The following IRAG1 variants were observed in gnomAD, a reference collection of about 807,000 sequenced individuals.
The protein encoded by IRAG1 is inositol 1,4,5-triphosphate receptor associated 1, also known as IP3R-associated cGMP kinase substrate.
In IRAG1, 62 loss-of-function variants were observed where a neutral mutation model predicts 106.2. That is an observed-to-expected ratio of 0.58 (90% confidence interval 0.48 to 0.72). The LOEUF (loss-of-function observed/expected upper bound fraction) is 0.72. Ranked by LOEUF, IRAG1 falls within the 30% of genes least tolerant of loss-of-function variation. IRAG1 has a pLI of 0.00. For synonymous variants in IRAG1, 462 were observed against 443.9 expected, an observed-to-expected ratio of 1.04 and a Z score of -0.51; for missense variants, 1,064 against 1,140.7, an observed-to-expected ratio of 0.93 and a Z score of 0.97.
rs76539922 is a variant in IRAG1, at chr11:10,574,435, A to G, written c.*1897T>C. 0.046 allele frequency: 6,986 copies of G among 152,182 alleles called. 319 individuals are homozygous for G. Among genetic ancestry groups the G allele is most frequent in the African/African-American group, 0.12 (5,012 of 41,496 alleles). 9.4% of individuals were successfully genotyped at this position (152,182 alleles called of 1,614,324 possible). A position where few individuals can be genotyped will look rare whatever the true frequency, so the allele number is the denominator to read the frequency against. ...AAGACATGGTTCTTGTCTTTGAGGA[A>G]AAATGCTAGGGGAGATGGATACATA... On this transcript the variant is annotated 3_prime_UTR_variant, in exon 21 of 21. Transcript: ENST00000423302.
At chr11:10,610,157 A>C (rs1314278102) in intron 10 of IRAG1, among the ~76,000 whole-genome samples, 9 of 152,230 alleles carry the variant, frequency 5.9e-5, no homozygotes, top group Admixed American at 5.9e-4. Flanking sequence ...CACAGTATTA[A>C]GCTGGCAATT....
At chr11:10,594,074 ATTGT>A (rs1852986570) in intron 16 of IRAG1, 68 bp downstream of exon 16, 1 of 1,381,608 alleles carries the variant, frequency 7.2e-7, no homozygotes, top group East Asian at 2.5e-5. Flanking sequence ...AGAATGAATG[ATTGT>A]TTGGGTGACC....
intron 1 of IRAG1, among the ~76,000 whole-genome samples, chr11:10,678,168 C>A (rs1351577067): frequency 6.6e-6 from 1 of 152,152 alleles, no homozygotes; most frequent in African/African-American, 2.4e-5. Context: ...CACCTGTTTT[C>A]AATTCTTTTG....
intron 1 of IRAG1, among the ~76,000 whole-genome samples, chr11:10,680,181 G>A (rs1861038053): frequency 1.3e-5 from 2 of 151,276 alleles, no homozygotes; most frequent in African/African-American, 2.4e-5. Context: ...GCTGAAGTAG[G>A]AGAATCGCTT....
chr11:10,585,647 A>G (rs1231890904), intron 18 of IRAG1, among the ~76,000 whole-genome samples: 1 of 139,374 alleles, frequency 7.2e-6, no homozygotes, highest in African/African-American at 2.7e-5. Flanking sequence ...AATGTGTATG[A>G]TCTCGGGACC....
At chr11:10,675,967 C>A (rs1478333083) in intron 1 of IRAG1, among the ~76,000 whole-genome samples, 5 of 152,226 alleles carry the variant, frequency 3.3e-5, no homozygotes, top group African/African-American at 9.6e-5. Context: ...CTCTCCCCTG[C>A]CTCATGGAGG....
rs752550305 is a variant in IRAG1, at chr11:10,581,916, G to A, written c.2311C>T (p.Leu771Phe). Residue 771 changes from leucine (L) to phenylalanine (F), a missense_variant, in exon 19 of 21, where the codon CTT becomes TTT. By Grantham distance (22) the Leu-to-Phe change is conservative. Transcript: ENST00000423302. ...ATCCTGGCCTTGGTCTCCTGACTAA[G>A]CTCCTCCAGGCAGCTCAGGGTCAGC... is the stretch of plus-strand genomic sequence containing the variant. ...PALTLSCLEE[L>F]SQETKARMEE... 1 of 1,613,892 alleles carries A rather than the reference G, an allele frequency of 6.2e-7. No homozygotes were observed. The highest frequency in any genetic ancestry group is 1.1e-5 in the South Asian group (1 of 91,076).
At chr11:10,606,672 G>T in intron 12 of IRAG1, 70 bp downstream of exon 12, 1 of 1,466,964 alleles carries the variant, frequency 6.8e-7, no homozygotes, top group Non-Finnish European at 9.3e-7. Flanking sequence ...AGAGTCTGGA[G>T]GAAGAAATGT....
At chr11:10,676,133 G>A (rs949027635) in intron 1 of IRAG1, among the ~76,000 whole-genome samples, 1 of 152,202 alleles carries the variant, frequency 6.6e-6, no homozygotes, top group Admixed American at 6.5e-5. Context: ...TGTGATGCTC[G>A]TACTGCCTCT....
At chr11:10,680,659 G>C (rs1350693776) in intron 1 of IRAG1, among the ~76,000 whole-genome samples, 2 of 152,096 alleles carry the variant, frequency 1.3e-5, no homozygotes, top group African/African-American at 4.8e-5. Flanking sequence ...CATTGGCCCT[G>C]GAGCTGGGCT....
chr11:10,614,864 C>T (rs1200016415), intron 10 of IRAG1, among the ~76,000 whole-genome samples: 3 of 152,220 alleles, frequency 2.0e-5, no homozygotes, highest in Non-Finnish European at 4.4e-5. Context: ...CAATACCATT[C>T]AGGACATAGG....
At chr11:10,661,610 T>G (rs1859409812) in intron 1 of IRAG1, among the ~76,000 whole-genome samples, 1 of 152,156 alleles carries the variant, frequency 6.6e-6, no homozygotes, top group Non-Finnish European at 1.5e-5. Flanking sequence ...TGACCCTTTT[T>G]TCTCCATCCT....
rs370132558 is a variant in IRAG1 at position 10,674,615 on chromosome 11, C to T, written c.67+18921G>A. Among the ~76,000 whole-genome samples, 15 of 152,352 alleles carry T rather than the reference C, an allele frequency of 9.8e-5. No homozygotes were observed. In the South Asian group the frequency reaches 2.5e-3, roughly 25 times the overall value. On this transcript the variant is annotated intron_variant, in intron 1 of 20. Coordinates refer to ENST00000423302, the MANE Select transcript of IRAG1 (RefSeq NM_130385.4). ...TTCCCAGAACACATTTTGTTCCACC[C>T]TCCTTCCATCCCATCCAGACCTGGC...
chr11:10,601,136 G>A, intron 14 of IRAG1, 77 bp from the exon 15 acceptor site: 2 of 1,578,034 alleles, frequency 1.3e-6, no homozygotes, highest in Admixed American at 1.7e-5. Context: ...TCTGACCTAG[G>A]GTCTGGGCTA....
Position 10,603,104 on chromosome 11 carries a change from G to A in IRAG1, c.1875+16C>T. 1 of 1,605,942 alleles carries A rather than the reference G, an allele frequency of 6.2e-7. No individual in the cohort carries two copies. Among genetic ancestry groups the A allele is most frequent in the Non-Finnish European group, 8.5e-7 (1 of 1,176,962 alleles). On this transcript the variant is annotated intron_variant, in intron 14 of 20. Transcript: ENST00000423302. ...GTGGAACAGAGTTGGCAAGACCGGG[G>A]GCTGGAGAGACTCACCTGGCGGACG...
intron 10 of IRAG1, among the ~76,000 whole-genome samples, chr11:10,614,029 C>G (rs1411493581): frequency 6.6e-6 from 1 of 152,176 alleles, no homozygotes; most frequent in Non-Finnish European, 1.5e-5. Context: ...CAACTACGGG[C>G]CACCCTATAG....
Position 10,597,192 on chromosome 11 carries a change from T to C in IRAG1, c.2018-2997A>G, listed in dbSNP as rs1385283039. ...GAATAATGAAGAATAGCCTCAAATA[T>C]AGTAACTACCACATCTAAACTCTTG... On this transcript the variant is annotated intron_variant, in intron 15 of 20. Transcript: ENST00000423302. Among the ~76,000 whole-genome samples, 5 of 152,354 alleles carry C rather than the reference T, an allele frequency of 3.3e-5. No individual in the cohort carries two copies. The East Asian group carries it at 7.7e-4, about 23-fold the overall frequency.
chr11:10,637,479 C>T (rs921983510), intron 2 of IRAG1, among the ~76,000 whole-genome samples: 1 of 152,144 alleles, frequency 6.6e-6, no homozygotes, highest in African/African-American at 2.4e-5. Flanking sequence ...TAAGCTTGTC[C>T]TCCTGTGGCT....
intron 10 of IRAG1, among the ~76,000 whole-genome samples, chr11:10,612,914 A>G (rs559287818): frequency 6.6e-6 from 1 of 152,216 alleles, no homozygotes; most frequent in African/African-American, 2.4e-5. Context: ...ACTAATCAAG[A>G]AATTGGGAAA....
Sources: gnomAD v4.1 joint callset for allele counts (sites outside exome capture counted in the v4.1 genomes callset) on GRCh38, gnomAD v4.1.1 for gene constraint, MANE v1.5 for transcripts, NCBI Gene and HGNC (gene_info 2026-07-23, HGNC 2026-07-21) for gene names.